MAP2K5: variants seen among roughly 807,000 people sequenced by gnomAD.
MAP2K5 encodes the protein mitogen-activated protein kinase kinase 5, also known as dual specificity mitogen-activated protein kinase kinase 5.
Under a neutral mutation model 83.1 loss-of-function variants are expected in MAP2K5, and 49 were observed. The observed-to-expected ratio is 0.59, with a 90% CI of 0.47 to 0.75. The LOEUF (loss-of-function observed/expected upper bound fraction) is 0.75. Ranked by LOEUF, MAP2K5 falls within the 30% of genes least tolerant of loss-of-function variation. The probability of loss-of-function intolerance (pLI) is 0.00; values close to 1 mark genes in which losing one functional copy is unlikely to be tolerated. For synonymous variants in MAP2K5, 202 were observed against 191.8 expected (o/e 1.05, Z -0.44); for missense variants, 457 against 557.5 (o/e 0.82, Z 1.82).
rs1479697537 is a variant in MAP2K5 at position 67,677,421 on chromosome 15, A to G, written c.847+12776A>G. Among the ~76,000 whole-genome samples the G allele has an allele frequency of 1.3e-5, 2 of 152,242 alleles. No homozygotes were observed. The highest frequency in any genetic ancestry group is 3.8e-4 in the East Asian group (2 of 5,202). On this transcript the variant is annotated intron_variant, in intron 13 of 21. Transcript: ENST00000178640. This position sits in a 1 kb window ranked among gnomAD's most constrained non-coding sequence, Gnocchi z 4.2. ...TAATGCACTTAGCCCAGTTCCTGGT[A>G]TATATTAAGTGCCAAGTAAGTGTTA...
chr15:67,629,171 A>G (rs1316878203), intron 8 of MAP2K5: 3 of 700,640 alleles, frequency 4.3e-6, no homozygotes, highest in Non-Finnish European at 7.9e-6. Flanking sequence ...AAAAGAGGAG[A>G]GCTAGAGAAG....
At chr15:67,609,675 G>A (rs12902858) in intron 8 of MAP2K5, among the ~76,000 whole-genome samples, 579 of 2,792 alleles carry the variant, frequency 0.21, 217 homozygotes, top group East Asian at 0.5. Flanking sequence ...CTATAGGTCT[G>A]TAGATTCTGT....
chr15:67,630,993 A>C lies in MAP2K5; in HGVS notation c.585+66A>C, dbSNP rs1375431856. Reference sequence around the variant, plus strand: ...CTCTTTCCTTTCCTCTGTTAGCTTGAGTCACAGATATTGTCAAAGAGGAGA... The same window carrying C: ...CTCTTTCCTTTCCTCTGTTAGCTTGCGTCACAGATATTGTCAAAGAGGAGA... On this transcript the variant is annotated intron_variant, in intron 9 of 21. Coordinates refer to ENST00000178640, the MANE Select transcript of MAP2K5 (RefSeq NM_145160.3). 2.4e-6 allele frequency: 3 copies of C among 1,251,932 alleles called. No individual in the cohort carries two copies. The East Asian group carries it at 7.0e-5, about 29-fold the overall frequency. 77.6% of individuals were successfully genotyped at this position (1,251,932 alleles called of 1,614,324 possible). A position where few individuals can be genotyped will look rare whatever the true frequency, so the allele number is the denominator to read the frequency against.
intron 16 of MAP2K5, among the ~76,000 whole-genome samples, chr15:67,726,624 G>A (rs1276893051): frequency 6.6e-6 from 1 of 152,200 alleles, no homozygotes; most frequent in Non-Finnish European, 1.5e-5. Flanking sequence ...TTCATATGCA[G>A]GAAGGAACAC....
At chr15:67,753,532 G>T (rs982304069) in intron 19 of MAP2K5, among the ~76,000 whole-genome samples, 1 of 151,964 alleles carries the variant, frequency 6.6e-6, no homozygotes, top group African/African-American at 2.4e-5. Context: ...ATGGGGAGAG[G>T]ATTTAAATAG....
Position 67,746,263 on chromosome 15 carries a change from TCA to T in MAP2K5, c.1075-1966_1075-1965del, listed in dbSNP as rs1163976552. Among the ~76,000 whole-genome samples the T allele has an allele frequency of 6.6e-6, 1 of 152,226 alleles. No individual in the cohort carries two copies. The highest frequency in any genetic ancestry group is 2.4e-5 in the African/African-American group (1 of 41,458). ...ATTTCTGAATTCATTTCAAAACCTC[TCA>T]CTTAGAATGTTTGCTGCATGTTCTC... On this transcript the variant is annotated intron_variant, in intron 17 of 21. Coordinates refer to ENST00000178640, the MANE Select transcript of MAP2K5 (RefSeq NM_145160.3). The surrounding 1 kb of genome is among the most constrained non-coding windows in gnomAD (Gnocchi z 4.1).
intron 7 of MAP2K5, among the ~76,000 whole-genome samples, chr15:67,599,273 T>C (rs991594248): frequency 2.6e-5 from 4 of 152,216 alleles, no homozygotes; most frequent in Admixed American, 1.3e-4. Flanking sequence ...TGGCATGTCT[T>C]TCATTACTTC....
At chr15:67,799,659 C>T (rs1427877082) in intron 21 of MAP2K5, among the ~76,000 whole-genome samples, 1 of 152,232 alleles carries the variant, frequency 6.6e-6, no homozygotes, top group African/African-American at 2.4e-5. Flanking sequence ...CTGCAGGCCT[C>T]CTGCAGGCTT....
intron 2 of MAP2K5, among the ~76,000 whole-genome samples, chr15:67,556,485 G>A (rs868187298): frequency 1.3e-5 from 2 of 150,454 alleles, no homozygotes; most frequent in Non-Finnish European, 3.0e-5. Flanking sequence ...CGTATTGTGG[G>A]TTTTTATAAA....
In MAP2K5 at chr15:67,562,475, T is replaced by C. The variant is rs2084755697; in HGVS notation, c.185-808T>C. 6.6e-6 allele frequency among the ~76,000 whole-genome samples: 1 copy of C among 152,182 alleles called. No homozygotes were observed. The highest frequency in any genetic ancestry group is 2.1e-4 in the South Asian group (1 of 4,830). The stretch of plus-strand genomic sequence containing the variant: ...AGTATCATGAAATAAATACATTATT[T>C]CTAGATGTGGCCTCTGATGATACTT... On this transcript the variant is annotated intron_variant, in intron 2 of 21. Coordinates refer to ENST00000178640, the MANE Select transcript of MAP2K5 (RefSeq NM_145160.3). This position sits in a 1 kb window ranked among gnomAD's most constrained non-coding sequence, Gnocchi z 4.1.
intron 7 of MAP2K5, among the ~76,000 whole-genome samples, chr15:67,596,092 G>A (rs1423692493): frequency 6.6e-6 from 1 of 151,734 alleles, no homozygotes; most frequent in African/African-American, 2.4e-5. Context: ...TGGTCCAGCT[G>A]CATCTTTTGG....
At chr15:67,752,743 T>C (rs1230260142) in intron 19 of MAP2K5, among the ~76,000 whole-genome samples, 1 of 151,938 alleles carries the variant, frequency 6.6e-6, no homozygotes, top group Non-Finnish European at 1.5e-5. Context: ...AGTGGGAGGC[T>C]TAATATTGTT....
At chr15:67,591,865 A>C (rs910877052) in intron 6 of MAP2K5, among the ~76,000 whole-genome samples, 1 of 151,926 alleles carries the variant, frequency 6.6e-6, no homozygotes, top group African/African-American at 2.4e-5. Context: ...TAATCCCAGC[A>C]CTTTGGGAGG....
chr15:67,769,208 A>G lies in MAP2K5; in HGVS notation c.1135-394A>G, dbSNP rs144157829. On this transcript the variant is annotated intron_variant, in intron 19 of 21. Coordinates refer to ENST00000178640, the MANE Select transcript of MAP2K5 (RefSeq NM_145160.3). This position sits in a 1 kb window ranked among gnomAD's most constrained non-coding sequence, Gnocchi z 5.2. ...AATAAAAAGGAAAGTGTAAATAAAT[A>G]GCAAATCCAGTAAAAGAAACAAAGG... 6.6e-6 allele frequency among the ~76,000 whole-genome samples: 1 copy of G among 152,362 alleles called. No homozygotes were observed. The highest frequency in any genetic ancestry group is 2.4e-5 in the African/African-American group (1 of 41,588).
chr15:67,804,240 A>G (rs1170315929), intron 21 of MAP2K5, among the ~76,000 whole-genome samples: 3 of 152,350 alleles, frequency 2.0e-5, no homozygotes, highest in East Asian at 1.9e-4. Flanking sequence ...AACAGCTGCC[A>G]GCAGCTACCA....
chr15:67,553,186 G>A lies in MAP2K5; in HGVS notation c.184+3104G>A, dbSNP rs534624745. 1.2e-3 allele frequency among the ~76,000 whole-genome samples: 188 copies of A among 152,260 alleles called. 3 individuals are homozygous for A. In the South Asian group the frequency reaches 0.026, roughly 21 times the overall value. ...AGGAAAATTATACCTGTGAGGAAAC[G>A]AAGCTTAGAGGCCTGAAATGATTGC... On this transcript the variant is annotated intron_variant, in intron 2 of 21. Coordinates refer to ENST00000178640, the MANE Select transcript of MAP2K5 (RefSeq NM_145160.3).
intron 19 of MAP2K5, among the ~76,000 whole-genome samples, chr15:67,753,811 C>G (rs996176058): frequency 1.3e-5 from 2 of 152,126 alleles, no homozygotes; most frequent in Non-Finnish European, 2.9e-5. Flanking sequence ...CATCAAAAAG[C>G]TAAAATAGAA....
At chr15:67,599,359 G>A (rs2085601096) in intron 7 of MAP2K5, among the ~76,000 whole-genome samples, 1 of 152,148 alleles carries the variant, frequency 6.6e-6, no homozygotes, top group Non-Finnish European at 1.5e-5. Context: ...TTGGGTGCTG[G>A]ATTGGCCTTT....
intron 8 of MAP2K5, among the ~76,000 whole-genome samples, chr15:67,610,004 T>G (rs1414238644): frequency 6.6e-6 from 1 of 152,160 alleles, no homozygotes; most frequent in East Asian, 1.9e-4. Flanking sequence ...TATGTTACCC[T>G]CTTTTTACTT....
Sources: allele counts gnomAD v4.1 joint callset (sites outside exome capture counted in the v4.1 genomes callset), GRCh38; gene constraint gnomAD v4.1.1; non-coding constraint Gnocchi (gnomAD v3.1); transcripts MANE v1.5; gene names NCBI Gene and HGNC (gene_info 2026-07-23, HGNC 2026-07-21).